SETD1B: variants seen among roughly 807,000 people sequenced by gnomAD.
SETD1B encodes the protein histone-lysine N-methyltransferase SETD1B.
A neutral mutation model predicts 148.0 loss-of-function variants in SETD1B; 7 were observed. The observed-to-expected ratio is 0.05, with a 90% CI of 0.03 to 0.09. The LOEUF (loss-of-function observed/expected upper bound fraction) is 0.09. Among genes scored for constraint, SETD1B ranks in the 10% least tolerant of loss-of-function variants. The pLI, the probability that SETD1B is intolerant of heterozygous loss-of-function variation, is 1.00. For missense variants in SETD1B, 2,155 were observed against 2,729.9 expected (o/e 0.79, Z 4.69); for synonymous variants, 1,361 against 1,186.5 (o/e 1.15, Z -3.02).
At position 121,823,539 on chromosome 12, in the gene SETD1B, G is replaced by A. The variant is rs1385054051; in HGVS notation, c.4960G>A (p.Val1654Met). The A allele has an allele frequency of 6.4e-7, 1 of 1,551,184 alleles. No homozygotes were observed. The highest frequency in any genetic ancestry group is 8.7e-7 in the Non-Finnish European group (1 of 1,146,926). The change falls in exon 12 of 17, where the codon GTG (valine) becomes ATG (methionine). Residue 1654 changes from valine to methionine, a missense_variant. Val to Met is a conservative substitution (Grantham distance 21, BLOSUM62 1). This residue lies in a region of SETD1B where 862 missense variants were observed against 873.8 expected (regional missense o/e 0.99). Transcript: ENST00000604567. ...ACCTAAGAAGCGCCATGAGGACCTG[G>A]TGCCACCTGCGGGCTCGCCCGAACT... ...RPPKKRHEDLVPPAGSPELSP... is the reference protein window; with the variant it reads ...RPPKKRHEDLMPPAGSPELSP...
upstream of SETD1B, chr12:121,799,717 TGGGGGGGG>T (rs1456064145): frequency 5.2e-5 from 1 of 19,134 alleles, no homozygotes; most frequent in African/African-American, 1.7e-4. Flanking sequence ...CGCTCGCAGC[TGGGGGGGG>T]GGGGGTGGGG....
Position 121,827,601 on chromosome 12 carries a change from C to G in SETD1B, c.5420C>G (p.Ser1807Cys). The G allele has an allele frequency of 6.4e-7, 1 of 1,551,416 alleles. No individual in the cohort carries two copies. The highest frequency in any genetic ancestry group is 1.2e-5 in the South Asian group (1 of 84,062). ...RRSEQRRLLS[S>C]FTGSCDSDLL... The stretch of plus-strand genomic sequence containing the variant: ...TCGGAGCAGCGCCGCCTGCTGTCCT[C>G]CTTCACTGGCAGCTGTGACAGTGAC... The change falls in exon 14 of 17, where the codon TCC (serine) becomes TGC (cysteine). Residue 1807 changes from serine (S) to cysteine (C), a missense_variant. Ser to Cys is a moderately radical substitution (Grantham distance 112, BLOSUM62 -1). Coordinates refer to ENST00000604567, the MANE Select transcript of SETD1B (RefSeq NM_001353345.2).
upstream of SETD1B, chr12:121,801,937 T>C (rs879850715): frequency 3.9e-5 from 6 of 152,168 alleles, no homozygotes; most frequent in Admixed American, 3.3e-4. Context: ...AACGTTGGTG[T>C]TTGCTGGAAC....
chr12:121,804,262 GCGGCCGGCAGCCGGGCGGCCCAAGCCCC>G lies in SETD1B; in HGVS notation c.-15+35_-15+62del, dbSNP rs1203084306. ...AGCGCGGCTCGGGGAGGGAGAGGCC[GCGGCCGGCAGCCGGGCGGCCCAAGCCCC>G]CGGCCCCGGCCCTGGCCCGAGCGGG... On this transcript the variant is annotated intron_variant, in intron 1 of 16. Coordinates refer to ENST00000604567, the MANE Select transcript of SETD1B (RefSeq NM_001353345.2). This position sits in a 1 kb window ranked among gnomAD's most constrained non-coding sequence, Gnocchi z 4.6. 1.4e-5 allele frequency: 2 copies of G among 147,012 alleles called. No homozygotes were observed. Among genetic ancestry groups the G allele is most frequent in the African/African-American group, 4.9e-5 (2 of 40,918 alleles). 9.1% of individuals were successfully genotyped at this position (147,012 alleles called of 1,614,324 possible). A position where few individuals can be genotyped will look rare whatever the true frequency, so the allele number is the denominator to read the frequency against.
rs938326349 is a variant in SETD1B, at chr12:121,823,229, G to T, written c.4650G>T (p.Leu1550=). ...GGGCCGCCCTTGGAAGGGAACTCCT[G>T]CTCCTGCCGGGCCAGCCACAGACCC... ...PAGAALGREL[L]LLPGQPQTPV... The change falls in exon 12 of 17, where the codon CTG becomes CTT. Residue 1550 remains leucine, a synonymous_variant. Transcript: ENST00000604567. The T allele has an allele frequency of 1.3e-6, 2 of 1,549,500 alleles. No homozygotes were observed. The highest frequency in any genetic ancestry group is 2.4e-5 in the South Asian group (2 of 84,048).
Position 121,830,578 on chromosome 12 carries a change from G to T in SETD1B, c.*339G>T, listed in dbSNP as rs569808403. The T allele has an allele frequency of 4.0e-5, 9 of 224,282 alleles. No homozygotes were observed. The highest frequency in any genetic ancestry group is 1.1e-4 in the Admixed American group (2 of 18,126). 13.9% of individuals were successfully genotyped at this position (224,282 alleles called of 1,614,324 possible). A position where few individuals can be genotyped will look rare whatever the true frequency, so the allele number is the denominator to read the frequency against. On this transcript the variant is annotated 3_prime_UTR_variant, in exon 17 of 17. Transcript: ENST00000604567. This position sits in a 1 kb window ranked among gnomAD's most constrained non-coding sequence, Gnocchi z 5.7. ...TCTTCTCTCTCCCACCATCACCCTC[G>T]GCCTCTTCCTGTGAATGCTGCTACG... is the stretch of plus-strand genomic sequence containing the variant.
intron 16 of SETD1B, among the ~76,000 whole-genome samples, chr12:121,828,283 A>G (rs1876938321): frequency 6.6e-6 from 1 of 151,906 alleles, no homozygotes; most frequent in Non-Finnish European, 1.5e-5. Context: ...TCAAATGGGC[A>G]TAGTGAGACT....
At chr12:121,814,041 G>A in intron 6 of SETD1B, 65 bp from the exon 7 acceptor site, 2 of 1,315,022 alleles carry the variant, frequency 1.5e-6, no homozygotes, top group Middle Eastern at 3.9e-4. Context: ...GTCTTGCAGA[G>A]GGGACTCCGA....
At chr12:121,815,783 C>G (rs1876263382) in intron 7 of SETD1B, among the ~76,000 whole-genome samples, 1 of 150,850 alleles carries the variant, frequency 6.6e-6, no homozygotes, top group Non-Finnish European at 1.5e-5. Flanking sequence ...TTATATGCGT[C>G]AGCCACCGCT....
chr12:121,796,181 G>C, the SETD1B span: 12 of 152,642 alleles, frequency 7.9e-5, no homozygotes, highest in African/African-American at 2.9e-4. Context: ...CCAGGAGGTA[G>C]CTCCCTTACC....
chr12:121,793,075 C>T, the SETD1B span: 1 of 1,268,000 alleles, frequency 7.9e-7, no homozygotes. Flanking sequence ...GCGGGGACAC[C>T]CAGTGGGGGA....
intron 11 of SETD1B, among the ~76,000 whole-genome samples, chr12:121,820,818 C>A (rs1391925755): frequency 6.6e-6 from 1 of 152,236 alleles, no homozygotes; most frequent in Non-Finnish European, 1.5e-5. Context: ...CAGGCGTGAG[C>A]CACCATGCCC....
At chr12:121,829,080 G>C (rs1223667555) in intron 16 of SETD1B, among the ~76,000 whole-genome samples, 1 of 152,094 alleles carries the variant, frequency 6.6e-6, no homozygotes, top group Non-Finnish European at 1.5e-5. Context: ...GGAGGCAGTG[G>C]GCATGGGGTG....
chr12:121,823,043 C>G lies in SETD1B; in HGVS notation c.4464C>G (p.Ala1488=). The G allele has an allele frequency of 6.6e-7, 1 of 1,517,022 alleles. No homozygotes were observed. Among genetic ancestry groups the G allele is most frequent in the Non-Finnish European group, 8.8e-7 (1 of 1,133,362 alleles). The allele number at this position is 1,517,022 out of a possible 1,614,324, so 94.0% of individuals were successfully genotyped here. The change falls in exon 12 of 17, where the codon GCC becomes GCG. Residue 1488 remains alanine, a synonymous_variant. Coordinates refer to ENST00000604567, the MANE Select transcript of SETD1B (RefSeq NM_001353345.2). The part of the protein sequence containing the change: ...LPLPLPLALP[A]VLRAQARAPT... ...TGCCCTTGCCCTTGGCATTGCCCGC[C>G]GTCTTGCGGGCCCAGGCTCGTGCGC...
At chr12:121,818,811 A>T (rs1876422661) in intron 10 of SETD1B, among the ~76,000 whole-genome samples, 1 of 150,190 alleles carries the variant, frequency 6.7e-6, no homozygotes, top group African/African-American at 2.5e-5. Flanking sequence ...AATGGCGTGA[A>T]CCCAGGAGGC....
At chr12:121,809,244 C>T (rs1354083782) in intron 5 of SETD1B, among the ~76,000 whole-genome samples, 27 of 152,220 alleles carry the variant, frequency 1.8e-4, no homozygotes, top group Admixed American at 1.8e-3. Flanking sequence ...TCCTCTCGTG[C>T]ACAAGATTGT....
chr12:121,822,979 TC>T lies in SETD1B; in HGVS notation c.4402del (p.Leu1468TrpfsTer48). On this transcript the variant is annotated frameshift_variant, in exon 12 of 17. Coordinates refer to ENST00000604567, the MANE Select transcript of SETD1B (RefSeq NM_001353345.2). LOFTEE classifies it high-confidence loss of function. ...TCCGGGCCCCTGGCCTCCCCGGTGC[TC>T]CTGGAGACGGGCCTGCCCCTCCCTC... ...ERSGPLASPV[L>X]LETGLPLPLP... is the part of the protein sequence containing the mutation. The T allele has an allele frequency of 6.5e-7, 1 of 1,535,794 alleles. No homozygotes were observed. Among genetic ancestry groups the T allele is most frequent in the South Asian group, 1.2e-5 (1 of 82,976 alleles).
In SETD1B at chr12:121,805,349, G is replaced by T. The variant is rs569983901; in HGVS notation, c.273+133G>T. 4 of 730,464 alleles carry T rather than the reference G, an allele frequency of 5.5e-6. No homozygotes were observed. The highest frequency in any genetic ancestry group is 9.3e-6 in the Non-Finnish European group (4 of 431,072). 45.2% of individuals were successfully genotyped at this position (730,464 alleles called of 1,614,324 possible). ...GGCCAGGGAAGTTTTGGCGGGGAGG[G>T]GTAGAGCGCTGGCGAGAGGGTGTCC... On this transcript the variant is annotated intron_variant, in intron 3 of 16. Transcript: ENST00000604567. The surrounding 1 kb of genome is among the most constrained non-coding windows in gnomAD (Gnocchi z 4.2).
rs1478618530 is a variant in SETD1B at position 121,805,027 on chromosome 12, C to T, written c.175-91C>T. ...GCCAACTGTCAGACGGGGCCCCAGCCCTGGAGTTTGACAAGTGCCTCGAGA... is the reference window on the plus strand; with the variant it reads ...GCCAACTGTCAGACGGGGCCCCAGCTCTGGAGTTTGACAAGTGCCTCGAGA... On this transcript the variant is annotated intron_variant, in intron 2 of 16. Coordinates refer to ENST00000604567, the MANE Select transcript of SETD1B (RefSeq NM_001353345.2). The surrounding 1 kb of genome is among the most constrained non-coding windows in gnomAD (Gnocchi z 4.2). 1 of 1,481,826 alleles carries T rather than the reference C, an allele frequency of 6.7e-7. No homozygotes were observed. The highest frequency in any genetic ancestry group is 9.1e-7 in the Non-Finnish European group (1 of 1,095,492). 91.8% of individuals were successfully genotyped at this position (1,481,826 alleles called of 1,614,324 possible). A position where few individuals can be genotyped will look rare whatever the true frequency, so the allele number is the denominator to read the frequency against.
Sources: gnomAD v4.1 joint callset for allele counts (sites outside exome capture counted in the v4.1 genomes callset) on GRCh38, gnomAD v4.1.1 for gene constraint, gnomAD v4.1.1 regional missense constraint, Gnocchi (gnomAD v3.1) non-coding constraint, MANE v1.5 for transcripts, NCBI Gene and HGNC (gene_info 2026-07-23, HGNC 2026-07-21) for gene names.